The following SAP130 variants were observed in gnomAD, a reference collection of about 807,000 sequenced individuals.
The protein encoded by SAP130 is histone deacetylase complex subunit SAP130.
A neutral mutation model predicts 103.2 loss-of-function variants in SAP130; 16 were observed. That is an observed-to-expected ratio of 0.16 (90% CI 0.10 to 0.24). The LOEUF (loss-of-function observed/expected upper bound fraction) is 0.24. Ranked by LOEUF, SAP130 falls within the 10% of genes least tolerant of loss-of-function variation. The pLI is 1.00. For synonymous variants in SAP130, 477 were observed against 497.0 expected (o/e 0.96, Z 0.53); for missense variants, 990 against 1,359.7 (o/e 0.73, Z 4.28).
In SAP130 at chr2:127,954,847, A is replaced by G. The variant is rs374145061; in HGVS notation, c.2422+139T>C. 5.3e-4 allele frequency: 341 copies of G among 641,150 alleles called. 5 individuals carry two copies. The South Asian group carries it at 8.3e-3, about 16-fold the overall frequency. The allele number at this position is 641,150 out of a possible 1,614,324, so 39.7% of individuals were successfully genotyped here. Reference sequence around the variant, plus strand: ...TTTACTGCTTTCTTCTACTTATCAAAAACTAATGACATGCAACATCTAAAA... The same window carrying G: ...TTTACTGCTTTCTTCTACTTATCAAGAACTAATGACATGCAACATCTAAAA... On this transcript the variant is annotated intron_variant, in intron 16 of 20. Transcript: ENST00000643581.
rs1573802606 is a variant in SAP130 at position 128,003,898 on chromosome 2, T to C, written c.870-3444A>G. Among the ~76,000 whole-genome samples the C allele has an allele frequency of 2.7e-5, 4 of 150,688 alleles. No individual in the cohort carries two copies. The South Asian group carries it at 8.6e-4, about 32-fold the overall frequency. ...CATGGCAGTGCTCAGTTTCAGATTTTGGCATATTACGGATTTTGGTTTAGG... is the reference window on the plus strand; with the variant it reads ...CATGGCAGTGCTCAGTTTCAGATTTCGGCATATTACGGATTTTGGTTTAGG... On this transcript the variant is annotated intron_variant, in intron 7 of 20. Transcript: ENST00000643581.
chr2:127,956,015 T>C (rs1472885714), intron 15 of SAP130, among the ~76,000 whole-genome samples: 1 of 152,234 alleles, frequency 6.6e-6, no homozygotes, highest in East Asian at 1.9e-4. Flanking sequence ...ATGTTGTCTT[T>C]GGAGTTGTTA....
intron 18 of SAP130, among the ~76,000 whole-genome samples, chr2:127,949,255 T>C (rs527438489): frequency 6.6e-6 from 1 of 152,302 alleles, no homozygotes; most frequent in South Asian, 2.1e-4. Flanking sequence ...GTACATATAT[T>C]ATATTTGAGA....
At chr2:128,004,035 TGA>T (rs1683783247) in intron 7 of SAP130, among the ~76,000 whole-genome samples, 1 of 141,378 alleles carries the variant, frequency 7.1e-6, no homozygotes, top group Non-Finnish European at 1.5e-5. Flanking sequence ...CCCAATTCAG[TGA>T]TCTGACATCT....
At chr2:128,016,664 C>CT (rs1283517473) in intron 3 of SAP130, 117 bp from the exon 4 acceptor site, 10 of 1,098,500 alleles carry the variant, frequency 9.1e-6, no homozygotes, top group Non-Finnish European at 1.3e-5. Context: ...ATGCCGTAAG[C>CT]TTTATACATT....
At chr2:127,990,846 T>C (rs543869193) in intron 12 of SAP130, among the ~76,000 whole-genome samples, 1 of 148,716 alleles carries the variant, frequency 6.7e-6, no homozygotes, top group East Asian at 2.0e-4. Context: ...GAGGCTGAGA[T>C]GGGAGGATTC....
intron 18 of SAP130, among the ~76,000 whole-genome samples, chr2:127,946,470 T>C (rs574444616): frequency 6.6e-6 from 1 of 152,308 alleles, no homozygotes; most frequent in East Asian, 1.9e-4. Context: ...TTGTCAAATT[T>C]TCTATATTGA....
At chr2:127,967,252 A>G (rs1404692013) in intron 15 of SAP130, among the ~76,000 whole-genome samples, 1 of 152,216 alleles carries the variant, frequency 6.6e-6, no homozygotes, top group East Asian at 1.9e-4. Context: ...GGCAGAACTC[A>G]TGTTAAGTGT....
chr2:127,957,006 T>C (rs940692764), intron 15 of SAP130, among the ~76,000 whole-genome samples: 5 of 152,124 alleles, frequency 3.3e-5, no homozygotes, highest in Non-Finnish European at 7.3e-5. Context: ...CCTATAGAAA[T>C]GAAAATATTG....
chr2:127,982,266 T>A (rs1433890893), intron 14 of SAP130, among the ~76,000 whole-genome samples: 7 of 152,068 alleles, frequency 4.6e-5, no homozygotes. Context: ...TTATACTGTT[T>A]ATGTGAATGA....
intron 18 of SAP130, among the ~76,000 whole-genome samples, chr2:127,946,587 T>G (rs1329484135): frequency 6.6e-6 from 1 of 151,910 alleles, no homozygotes; most frequent in African/African-American, 2.4e-5. Flanking sequence ...ATAACTATAT[T>G]AGAATGTAAT....
intron 7 of SAP130, 47 bp from the exon 8 acceptor site, chr2:128,000,501 A>G: frequency 1.2e-6 from 2 of 1,607,506 alleles, no homozygotes; most frequent in Non-Finnish European, 1.7e-6. Context: ...GGTCATTTAC[A>G]ATCTTCTCCT....
In SAP130 at chr2:128,017,593, TAC is replaced by T. The variant is rs2105213624; in HGVS notation, c.348+85_348+86del. The T allele has an allele frequency of 2.5e-5, 29 of 1,171,210 alleles. 1 individual carries two copies. The South Asian group carries it at 3.9e-4, about 16-fold the overall frequency. The allele number at this position is 1,171,210 out of a possible 1,614,324, so 72.6% of individuals were successfully genotyped here. A position where few individuals can be genotyped will look rare whatever the true frequency, so the allele number is the denominator to read the frequency against. On this transcript the variant is annotated intron_variant, in intron 3 of 20. Transcript: ENST00000643581. ...GAAAAAATGAAATGTGATCCTAAGA[TAC>T]AGCCTAAGATTTTATACAAATTGTT...
At chr2:127,967,430 C>T (rs889114757) in intron 15 of SAP130, among the ~76,000 whole-genome samples, 5 of 152,174 alleles carry the variant, frequency 3.3e-5, no homozygotes, top group Non-Finnish European at 5.9e-5. Flanking sequence ...GACGGAGTCT[C>T]GCTCTGTTGC....
chr2:127,949,994 T>C lies in SAP130; in HGVS notation c.2672A>G (p.Asp891Gly), dbSNP rs774079541. ...KRKSPPKEYI[D>G]EEGVRYVPVR... ...TGGGACATATCTCACACCTTCCTCA[T>C]CTGTTAAAGAGAAGACATTAAACAA... The change falls in exon 18 of 21, where the codon GAT becomes GGT. Residue 891 changes from aspartate to glycine, a missense_variant and splice_region_variant. By Grantham distance (94) the Asp-to-Gly change is moderately conservative. This residue lies in a region of SAP130 where 61 missense variants were observed against 73.8 expected (regional missense o/e 0.83). Coordinates refer to ENST00000643581, the MANE Select transcript of SAP130 (RefSeq NM_001330301.2). 3 of 1,613,790 alleles carry C rather than the reference T, an allele frequency of 1.9e-6. No individual in the cohort carries two copies. Among genetic ancestry groups the C allele is most frequent in the Admixed American group, 3.3e-5 (2 of 59,934 alleles).
intron 14 of SAP130, among the ~76,000 whole-genome samples, chr2:127,985,075 C>T (rs550644586): frequency 6.6e-6 from 1 of 152,338 alleles, no homozygotes; most frequent in African/African-American, 2.4e-5. Context: ...GACGCCATCG[C>T]GTGATGGTCT....
At chr2:128,017,096 C>A (rs1448522178) in intron 3 of SAP130, among the ~76,000 whole-genome samples, 1 of 152,200 alleles carries the variant, frequency 6.6e-6, no homozygotes, top group Non-Finnish European at 1.5e-5. Flanking sequence ...CTAAGGCGGG[C>A]AGACCACTTG....
intron 14 of SAP130, among the ~76,000 whole-genome samples, chr2:127,984,726 A>G (rs1682247598): frequency 6.6e-6 from 1 of 152,176 alleles, no homozygotes; most frequent in African/African-American, 2.4e-5. Context: ...CCACACACAC[A>G]CGGTGAGTCA....
chr2:128,017,135 G>C (rs188534719), intron 3 of SAP130, among the ~76,000 whole-genome samples: 3 of 152,120 alleles, frequency 2.0e-5, no homozygotes, highest in Non-Finnish European at 2.9e-5. Flanking sequence ...CAGCCTGGCC[G>C]ACATGGTGAA....
Sources: gnomAD v4.1 joint callset for allele counts (sites outside exome capture counted in the v4.1 genomes callset) on GRCh38, gnomAD v4.1.1 for gene constraint, gnomAD v4.1.1 regional missense constraint, MANE v1.5 for transcripts, NCBI Gene and HGNC (gene_info 2026-07-23, HGNC 2026-07-21) for gene names.